PRDM16: variants seen among roughly 807,000 people sequenced by gnomAD.
The protein encoded by PRDM16 is PR/SET domain 16, also known as histone-lysine N-methyltransferase PRDM16.
PRDM16 carries 23 observed loss-of-function variants against 110.6 expected under a neutral mutation model. That is an observed-to-expected ratio of 0.21 (90% CI 0.15 to 0.29). The LOEUF is 0.29. Among genes scored for constraint, PRDM16 ranks in the 10% least tolerant of loss-of-function variants. The pLI, the probability that PRDM16 is intolerant of heterozygous loss-of-function variation, is 1.00. For synonymous variants in PRDM16, 799 were observed against 781.8 expected (o/e 1.02, Z -0.37); for missense variants, 1,615 against 1,794.3 (o/e 0.90, Z 1.81).
intron 3 of PRDM16, among the ~76,000 whole-genome samples, chr1:3,361,039 C>G (rs151224169): frequency 6.6e-6 from 1 of 152,200 alleles, no homozygotes; most frequent in Admixed American, 6.5e-5. Context: ...CTAACAACGG[C>G]GGCAGTGTCT....
chr1:3,159,972 A>G (rs1388226838), intron 1 of PRDM16, among the ~76,000 whole-genome samples: 1 of 152,256 alleles, frequency 6.6e-6, no homozygotes, highest in Non-Finnish European at 1.5e-5. Context: ...TTACACTAAA[A>G]AAATCATCCA....
chr1:3,394,983 A>T (rs950561905), intron 4 of PRDM16, among the ~76,000 whole-genome samples: 1 of 152,150 alleles, frequency 6.6e-6, no homozygotes, highest in African/African-American at 2.4e-5. Flanking sequence ...CTGACGCCCC[A>T]TAAGGGAACT....
At position 3,425,399 on chromosome 1, in the gene PRDM16, A is replaced by G. The variant is rs566912763; in HGVS notation, c.2940-182A>G. 3.4e-6 allele frequency: 2 copies of G among 596,428 alleles called. No homozygotes were observed. The highest frequency in any genetic ancestry group is 2.9e-5 in the East Asian group (1 of 34,448). The allele number at this position is 596,428 out of a possible 1,614,324, so 36.9% of individuals were successfully genotyped here. On this transcript the variant is annotated intron_variant, in intron 12 of 16. Coordinates refer to ENST00000270722, the MANE Select transcript of PRDM16 (RefSeq NM_022114.4). This position sits in a 1 kb window ranked among gnomAD's most constrained non-coding sequence, Gnocchi z 6.9. ...TGAAGCCGGGGCTGTTTCTAGGGAC[A>G]GCTTCCCCAGGATGCCTTTGGCTCT...
In PRDM16 at chr1:3,157,121, G is replaced by A. The variant is rs1643865151; in HGVS notation, c.38-29004G>A. ...CCAGATGGTGGTCCCAGGGCAGGGAGTGTTAGCACCTGCCGGGCTCAGCCT... is the reference window on the plus strand; with the variant it reads ...CCAGATGGTGGTCCCAGGGCAGGGAATGTTAGCACCTGCCGGGCTCAGCCT... On this transcript the variant is annotated intron_variant, in intron 1 of 16. Coordinates refer to ENST00000270722, the MANE Select transcript of PRDM16 (RefSeq NM_022114.4). This position sits in a 1 kb window ranked among gnomAD's most constrained non-coding sequence, Gnocchi z 4.8. Among the ~76,000 whole-genome samples, 1 of 152,222 alleles carries A rather than the reference G, an allele frequency of 6.6e-6. No homozygotes were observed. The highest frequency in any genetic ancestry group is 6.5e-5 in the Admixed American group (1 of 15,288).
intron 3 of PRDM16, among the ~76,000 whole-genome samples, chr1:3,328,233 TC>T (rs1641961865): frequency 6.6e-6 from 1 of 152,252 alleles, no homozygotes; most frequent in African/African-American, 2.4e-5. Context: ...AGGGACTTGT[TC>T]CCTGGTCAGG....
intron 1 of PRDM16, among the ~76,000 whole-genome samples, chr1:3,127,517 G>T (rs1047179285): frequency 6.6e-6 from 1 of 152,182 alleles, no homozygotes; most frequent in Admixed American, 6.5e-5. Flanking sequence ...TAGCTTCCCC[G>T]GGCACTTGGG....
intron 5 of PRDM16, among the ~76,000 whole-genome samples, chr1:3,399,467 C>T (rs559267787): frequency 3.1e-4 from 47 of 152,280 alleles, no homozygotes; most frequent in African/African-American, 1.1e-3. Flanking sequence ...GCCTGGAAGA[C>T]AGCCGGGAGA....
intron 1 of PRDM16, among the ~76,000 whole-genome samples, chr1:3,115,643 G>C (rs906135306): frequency 6.6e-6 from 1 of 151,940 alleles, no homozygotes; most frequent in Admixed American, 6.5e-5. Context: ...GGAGGGTCTT[G>C]GCATCCCCTG....
intron 3 of PRDM16, among the ~76,000 whole-genome samples, chr1:3,284,051 G>T (rs1350450792): frequency 1.3e-5 from 2 of 152,208 alleles, no homozygotes; most frequent in African/African-American, 2.4e-5. Flanking sequence ...GCCTGGGGGG[G>T]CCTGGAGCTG....
chr1:3,159,364 G>A (rs1224935822), intron 1 of PRDM16, among the ~76,000 whole-genome samples: 3 of 152,240 alleles, frequency 2.0e-5, no homozygotes, highest in African/African-American at 7.2e-5. Context: ...ATCTGGAGGT[G>A]GGAGGCCCAA....
intron 3 of PRDM16, among the ~76,000 whole-genome samples, chr1:3,250,534 C>T (rs1303217168): frequency 2.0e-5 from 3 of 152,134 alleles, no homozygotes; most frequent in Non-Finnish European, 4.4e-5. Flanking sequence ...TGAAGGATCC[C>T]TTAAATCAGC....
chr1:3,240,835 C>G (rs1434414049), intron 2 of PRDM16, among the ~76,000 whole-genome samples: 1 of 152,222 alleles, frequency 6.6e-6, no homozygotes, highest in Non-Finnish European at 1.5e-5. Context: ...TCTGACCAAC[C>G]CCACTTAGCT....
intron 3 of PRDM16, among the ~76,000 whole-genome samples, chr1:3,257,867 G>A (rs1241381694): frequency 1.3e-5 from 2 of 152,154 alleles, no homozygotes; most frequent in Admixed American, 1.3e-4. Context: ...TTGGATTTGG[G>A]TACCTACAGT....
chr1:3,095,323 A>ACAAGGCCGGGCGC (rs1557442056), intron 1 of PRDM16, among the ~76,000 whole-genome samples: 1 of 151,248 alleles, frequency 6.6e-6, no homozygotes, highest in African/African-American at 2.5e-5. Context: ...AAAGTGGAGT[A>ACAAGGCCGGGCGC]GCAAACAACT....
chr1:3,349,712 C>T (rs1401628498), intron 3 of PRDM16, among the ~76,000 whole-genome samples: 1 of 152,146 alleles, frequency 6.6e-6, no homozygotes, highest in Non-Finnish European at 1.5e-5. Context: ...ACCCCGGCTT[C>T]CTGCGCTCTG....
chr1:3,395,813 C>T (rs899243041), intron 4 of PRDM16, among the ~76,000 whole-genome samples: 2 of 152,232 alleles, frequency 1.3e-5, no homozygotes, highest in Admixed American at 6.5e-5. Flanking sequence ...AGCAGAGTTC[C>T]AAATGGAGGT....
chr1:3,166,131 G>C (rs928593092), intron 1 of PRDM16, among the ~76,000 whole-genome samples: 20 of 152,230 alleles, frequency 1.3e-4, no homozygotes, highest in African/African-American at 4.6e-4. Flanking sequence ...CTTGCTTTCC[G>C]TTTGGCTGAA....
In PRDM16 at chr1:3,357,253, C is replaced by T. The variant is rs1642625434; in HGVS notation, c.439-27899C>T. Among the ~76,000 whole-genome samples the T allele has an allele frequency of 2.0e-5, 3 of 152,112 alleles. No individual in the cohort carries two copies. In the South Asian group the frequency reaches 6.2e-4, roughly 31 times the overall value. Reference sequence around the variant, plus strand: ...CCTCCACCTGGGCCATGAACGGGGACCTAACTGTTAGGCCCTGCTGTGCCC... The same window carrying T: ...CCTCCACCTGGGCCATGAACGGGGATCTAACTGTTAGGCCCTGCTGTGCCC... On this transcript the variant is annotated intron_variant, in intron 3 of 16. Transcript: ENST00000270722.
chr1:3,200,412 C>T (rs986250209), intron 2 of PRDM16, among the ~76,000 whole-genome samples: 37 of 152,132 alleles, frequency 2.4e-4, no homozygotes, highest in South Asian at 8.3e-4. Flanking sequence ...GTGCTATCTC[C>T]GCTCACTGCA....
Sources: gnomAD v4.1 joint callset for allele counts (sites outside exome capture counted in the v4.1 genomes callset) on GRCh38, gnomAD v4.1.1 for gene constraint, Gnocchi (gnomAD v3.1) non-coding constraint, MANE v1.5 for transcripts, NCBI Gene and HGNC (gene_info 2026-07-23, HGNC 2026-07-21) for gene names.